MYO5B: variants seen among roughly 807,000 people sequenced by gnomAD.
The protein encoded by MYO5B is unconventional myosin-Vb.
A neutral mutation model predicts 229.3 loss-of-function variants in MYO5B; 143 were observed. That is an observed-to-expected ratio of 0.62 (90% CI 0.54 to 0.72). The LOEUF (loss-of-function observed/expected upper bound fraction) is 0.72, where lower values mean the gene tolerates loss of function less well. Ranked by LOEUF, MYO5B falls within the 30% of genes least tolerant of loss-of-function variation. The probability of loss-of-function intolerance (pLI) is 0.00; values close to 1 mark genes in which losing one functional copy is unlikely to be tolerated. For missense variants in MYO5B, 2,321 were observed against 2,331.0 expected (o/e 1.00, Z 0.09); for synonymous variants, 918 against 885.2 (o/e 1.04, Z -0.66).
chr18:50,077,500 CAA>C (rs1555656819), intron 1 of MYO5B, among the ~76,000 whole-genome samples: 110 of 114,412 alleles, frequency 9.6e-4, no homozygotes, highest in African/African-American at 4.4e-3. Context: ...CACACACACA[CAA>C]ACACACACAC....
chr18:49,979,540 C>T (rs558006859), intron 9 of MYO5B, among the ~76,000 whole-genome samples: 2 of 152,348 alleles, frequency 1.3e-5, no homozygotes, highest in East Asian at 3.9e-4. Flanking sequence ...TCTAGACAAA[C>T]AGAAGGAGGT....
intron 1 of MYO5B, among the ~76,000 whole-genome samples, chr18:50,188,322 G>A (rs1207443589): frequency 1.3e-5 from 2 of 151,800 alleles, no homozygotes; most frequent in African/African-American, 4.8e-5. Context: ...AGCCTTTCCC[G>A]CAATACTGTA....
intron 1 of MYO5B, among the ~76,000 whole-genome samples, chr18:50,099,811 T>C (rs557228648): frequency 1.3e-5 from 2 of 152,350 alleles, no homozygotes; most frequent in South Asian, 2.1e-4. Flanking sequence ...ACTGGCTTCG[T>C]TGATGCCAAT....
chr18:50,066,942 C>G (rs2030835297), intron 1 of MYO5B, among the ~76,000 whole-genome samples: 2 of 152,240 alleles, frequency 1.3e-5, no homozygotes, highest in African/African-American at 4.8e-5. Flanking sequence ...TCCTCTAGGC[C>G]AAATGAACAT....
At chr18:49,862,333 T>C (rs1174865090) in intron 29 of MYO5B, among the ~76,000 whole-genome samples, 3 of 152,032 alleles carry the variant, frequency 2.0e-5, no homozygotes, top group African/African-American at 4.8e-5. Context: ...CACAGGGGCA[T>C]GAGGAAGCAG....
chr18:49,950,611 G>C (rs1038339872), intron 14 of MYO5B, among the ~76,000 whole-genome samples: 3 of 152,036 alleles, frequency 2.0e-5, no homozygotes, highest in Non-Finnish European at 2.9e-5. Flanking sequence ...AAATTACAGA[G>C]GACTACGTGT....
intron 1 of MYO5B, among the ~76,000 whole-genome samples, chr18:50,072,522 C>T (rs920955314): frequency 1.1e-4 from 16 of 152,154 alleles, no homozygotes; most frequent in Admixed American, 6.5e-4. Flanking sequence ...TGCTGGCCCA[C>T]GTCCTTCCTC....
intron 4 of MYO5B, among the ~76,000 whole-genome samples, chr18:50,013,492 A>T (rs1357512341): frequency 6.6e-6 from 1 of 152,238 alleles, no homozygotes; most frequent in Non-Finnish European, 1.5e-5. Flanking sequence ...TAGCAGCCTC[A>T]GGCCAAAAAC....
intron 1 of MYO5B, among the ~76,000 whole-genome samples, chr18:50,119,921 T>G (rs1357729191): frequency 1.3e-5 from 2 of 151,972 alleles, no homozygotes; most frequent in African/African-American, 4.8e-5. Context: ...TCCTCAACAG[T>G]GGGCTAGAAC....
chr18:50,007,562 G>A (rs1418022006), intron 4 of MYO5B, among the ~76,000 whole-genome samples: 1 of 152,124 alleles, frequency 6.6e-6, no homozygotes, highest in Non-Finnish European at 1.5e-5. Context: ...TGTGTTCAAG[G>A]CCCTGGGGGA....
rs528209616 is a variant in MYO5B at position 50,149,768 on chromosome 18, G to C, written c.27+44999C>G. ...CCTAGGCATTACCATTCAGGACACA[G>C]GCACGGGCAAGGACTTCATGTCTAA... On this transcript the variant is annotated intron_variant, in intron 1 of 39. Transcript: ENST00000285039. 7.2e-3 allele frequency among the ~76,000 whole-genome samples: 1,092 copies of C among 152,192 alleles called. 12 individuals are homozygous for C. The highest frequency in any genetic ancestry group is 0.035 in the South Asian group (171 of 4,822).
In MYO5B at chr18:49,882,572, G is replaced by A. The variant is rs529888085; in HGVS notation, c.3046-2117C>T. ...GAACCAGGGAGTCAGAGGTTGCAGC[G>A]AGCTGAGATCGTGCCACAGCACTCC... On this transcript the variant is annotated intron_variant, in intron 22 of 39. Transcript: ENST00000285039. Among the ~76,000 whole-genome samples the A allele has an allele frequency of 4.3e-5, 6 of 140,400 alleles. No individual in the cohort carries two copies. The East Asian group carries it at 6.3e-4, about 15-fold the overall frequency. The allele number at this position is 140,400 out of a possible 152,430, so 92.1% of individuals were successfully genotyped here.
chr18:49,988,278 C>T (rs1240553978), intron 7 of MYO5B, among the ~76,000 whole-genome samples: 1 of 152,188 alleles, frequency 6.6e-6, no homozygotes, highest in East Asian at 1.9e-4. Context: ...GACCTAAATG[C>T]CAAGCTTCAG....
intron 1 of MYO5B, among the ~76,000 whole-genome samples, chr18:50,058,487 G>C (rs1481768336): frequency 6.6e-6 from 1 of 151,118 alleles, no homozygotes; most frequent in Non-Finnish European, 1.5e-5. Flanking sequence ...AAAAAGTAAT[G>C]ACAGAGACCC....
In MYO5B at chr18:49,864,292, T is replaced by A. The variant is rs756681109; in HGVS notation, c.3692A>T (p.Asn1231Ile). The part of the protein sequence containing the change: ...KAVADQATQN[N>I]SSHGSPDSYS... ...GCTATCTGGGGAGCCGTGGCTGGAG[T>A]TATTCTGCGTGGCTTGGTCGGCCAC... is the stretch of plus-strand genomic sequence containing the variant. The change falls in exon 28 of 40, where the codon AAC (asparagine) becomes ATC (isoleucine). Residue 1231 changes from asparagine to isoleucine, a missense_variant. By Grantham distance (149) the Asn-to-Ile change is moderately radical. Coordinates refer to ENST00000285039, the MANE Select transcript of MYO5B (RefSeq NM_001080467.3). 1 of 1,614,062 alleles carries A rather than the reference T, an allele frequency of 6.2e-7. No individual in the cohort carries two copies. Among genetic ancestry groups the A allele is most frequent in the African/African-American group, 1.3e-5 (1 of 75,022 alleles).
At chr18:50,055,502 C>T (rs2030524375) in intron 1 of MYO5B, 124 bp from the exon 2 acceptor site, 8 of 749,018 alleles carry the variant, frequency 1.1e-5, no homozygotes, top group African/African-American at 1.7e-5. Context: ...CATCTCCCCA[C>T]CTTCTCATTT....
rs368092858 is a variant in MYO5B at position 49,841,911 on chromosome 18, T to C, written c.4612-457A>G. Among the ~76,000 whole-genome samples the C allele has an allele frequency of 4.8e-4, 73 of 152,312 alleles. 1 individual carries two copies. Among genetic ancestry groups the C allele is most frequent in the South Asian group, 3.1e-3 (15 of 4,828 alleles). ...GTGTCCCATTTATCTAGATGTCAGATGCATCATGGCTTTAACTCTCTAGAA... is the reference window on the plus strand; with the variant it reads ...GTGTCCCATTTATCTAGATGTCAGACGCATCATGGCTTTAACTCTCTAGAA... On this transcript the variant is annotated intron_variant, in intron 34 of 39. Transcript: ENST00000285039.
chr18:49,940,730 C>G (rs569080281), intron 14 of MYO5B, among the ~76,000 whole-genome samples: 3 of 152,180 alleles, frequency 2.0e-5, no homozygotes, highest in Non-Finnish European at 2.9e-5. Context: ...ATGAATTCCA[C>G]GGATCCAAGG....
chr18:50,001,513 C>T, intron 4 of MYO5B, 102 bp from the exon 5 acceptor site: 1 of 1,384,130 alleles, frequency 7.2e-7, no homozygotes, highest in Non-Finnish European at 1.0e-6. Context: ...GGGAGCATCT[C>T]TCCTACTTTA....
Sources: allele counts gnomAD v4.1 joint callset (sites outside exome capture counted in the v4.1 genomes callset), GRCh38; gene constraint gnomAD v4.1.1; transcripts MANE v1.5; gene names NCBI Gene and HGNC (gene_info 2026-07-23, HGNC 2026-07-21).